The following RNF130 variants were observed in gnomAD, a reference collection of about 807,000 sequenced individuals.
The protein encoded by RNF130 is E3 ubiquitin-protein ligase RNF130.
Under a neutral mutation model 44.6 loss-of-function variants are expected in RNF130, and 21 were observed. The ratio of observed to expected loss-of-function variants is 0.47; its 90% CI spans 0.33 to 0.68. The LOEUF is 0.68. RNF130 is among the 30% of genes least tolerant of loss of function. The probability of loss-of-function intolerance (pLI) is 0.02; values close to 1 mark genes in which losing one functional copy is unlikely to be tolerated. For missense variants in RNF130, 479 were observed against 560.6 expected (o/e 0.85, Z 1.47); for synonymous variants, 214 against 210.4 (o/e 1.02, Z -0.15).
At chr5:180,045,973 G>A (rs371738321) in intron 1 of RNF130, among the ~76,000 whole-genome samples, 37 of 152,352 alleles carry the variant, frequency 2.4e-4, no homozygotes, top group East Asian at 1.4e-3. Flanking sequence ...GCCCCTGGGC[G>A]GTGGATGGGA....
intron 7 of RNF130, among the ~76,000 whole-genome samples, chr5:179,965,955 C>A (rs370873938): frequency 6.6e-6 from 1 of 152,140 alleles, no homozygotes; most frequent in Non-Finnish European, 1.5e-5. Flanking sequence ...AGCCTCAGGG[C>A]GTGACGTGCT....
rs188667686 is a variant in RNF130 at position 180,019,152 on chromosome 5, A to G, written c.443-5841T>C. ...GTAATCCCAGCACTTTGGGAGGCTG[A>G]GGCAGGTGGATCACCAGGCCAGAAG... is the stretch of plus-strand genomic sequence containing the variant. On this transcript the variant is annotated intron_variant, in intron 2 of 8. Transcript: ENST00000521389. 9.8e-4 allele frequency among the ~76,000 whole-genome samples: 148 copies of G among 151,040 alleles called. 1 individual carries two copies. Among genetic ancestry groups the G allele is most frequent in the African/African-American group, 3.5e-3 (144 of 40,960 alleles).
chr5:180,016,852 G>A (rs950936389), intron 2 of RNF130, among the ~76,000 whole-genome samples: 1 of 152,170 alleles, frequency 6.6e-6, no homozygotes, highest in Non-Finnish European at 1.5e-5. Flanking sequence ...AGAGTAAACT[G>A]CAAACACATG....
At chr5:180,053,017 G>T (rs1460149550) in intron 1 of RNF130, among the ~76,000 whole-genome samples, 1 of 152,162 alleles carries the variant, frequency 6.6e-6, no homozygotes, top group South Asian at 2.1e-4. Context: ...TTTATGTCAA[G>T]ATAATGTACG....
intron 7 of RNF130, among the ~76,000 whole-genome samples, chr5:179,926,771 G>A (rs1457188974): frequency 1.3e-5 from 2 of 152,246 alleles, no homozygotes; most frequent in Non-Finnish European, 2.9e-5. Flanking sequence ...CAGAAGCATG[G>A]GTTGAACACT....
intron 1 of RNF130, among the ~76,000 whole-genome samples, chr5:180,063,263 G>T (rs1269622485): frequency 6.6e-6 from 1 of 152,224 alleles, no homozygotes; most frequent in African/African-American, 2.4e-5. Context: ...AATGATAGTT[G>T]CCTGAACTAA....
At chr5:180,044,965 A>C (rs1764523339) in intron 1 of RNF130, among the ~76,000 whole-genome samples, 1 of 152,258 alleles carries the variant, frequency 6.6e-6, no homozygotes, top group Non-Finnish European at 1.5e-5. Flanking sequence ...GACGATGGTC[A>C]AGATTTAGTG....
intron 5 of RNF130, among the ~76,000 whole-genome samples, chr5:179,975,829 C>A (rs1762705294): frequency 6.6e-6 from 1 of 152,178 alleles, no homozygotes; most frequent in Non-Finnish European, 1.5e-5. Flanking sequence ...AAACACAAAC[C>A]ACTTCTATGG....
At position 180,071,440 on chromosome 5, in the gene RNF130, C is replaced by T; in HGVS notation, c.247+16G>A. On this transcript the variant is annotated intron_variant, in intron 1 of 8. Coordinates refer to ENST00000521389, the MANE Select transcript of RNF130 (RefSeq NM_018434.6). ...ATGCAGCGACCACCGCCCGCCGCCC[C>T]CGGGCCGGCACTCACCTCCGTGGAG... The T allele has an allele frequency of 8.1e-7, 1 of 1,234,032 alleles. No homozygotes were observed. The highest frequency in any genetic ancestry group is 1.0e-6 in the Non-Finnish European group (1 of 987,946). The allele number at this position is 1,234,032 out of a possible 1,614,324, so 76.4% of individuals were successfully genotyped here.
At chr5:180,001,887 G>A (rs62404977) in intron 3 of RNF130, among the ~76,000 whole-genome samples, 30,650 of 152,130 alleles carry the variant, frequency 0.2, 3,311 homozygotes, top group Middle Eastern at 0.25. Context: ...AGAGTTCTAC[G>A]GCCTGTAAGG....
At chr5:180,034,201 T>C (rs1171406933) in intron 2 of RNF130, among the ~76,000 whole-genome samples, 1 of 150,314 alleles carries the variant, frequency 6.7e-6, no homozygotes, top group African/African-American at 2.5e-5. Flanking sequence ...GATTTTCAGA[T>C]GTAAAAAAAA....
rs192287643 is a variant in RNF130, at chr5:180,065,588, G to A, written c.247+5868C>T. 9.9e-5 allele frequency among the ~76,000 whole-genome samples: 15 copies of A among 152,092 alleles called. No homozygotes were observed. The East Asian group carries it at 1.2e-3, about 12-fold the overall frequency. ...ATCCTGGCTAACATGGTGAAACCCC[G>A]TCTCTACTAAAACTACAAAAAATTA... On this transcript the variant is annotated intron_variant, in intron 1 of 8. Transcript: ENST00000521389.
exon 8 of RNF130, chr5:179,915,569 T>G (rs1761532546): frequency 6.6e-6 from 1 of 152,316 alleles, no homozygotes; most frequent in African/African-American, 2.4e-5. Context: ...TCTGCTTCTA[T>G]CTCCCTCTTC....
chr5:179,935,128 T>A (rs1314826770), intron 7 of RNF130, among the ~76,000 whole-genome samples: 1 of 152,238 alleles, frequency 6.6e-6, no homozygotes, highest in African/African-American at 2.4e-5. Context: ...TTTGGAAGTA[T>A]ATTGTTTAAT....
chr5:179,991,809 G>C (rs1389254049), intron 3 of RNF130, among the ~76,000 whole-genome samples: 1 of 151,970 alleles, frequency 6.6e-6, no homozygotes, highest in Non-Finnish European at 1.5e-5. Flanking sequence ...CCATAACGTA[G>C]AATCAGTAGG....
intron 7 of RNF130, among the ~76,000 whole-genome samples, chr5:179,928,818 C>CGGGGT (rs1008842186): frequency 3.7e-4 from 56 of 152,004 alleles, no homozygotes; most frequent in African/African-American, 1.3e-3. Context: ...TTAGTAGAGA[C>CGGGGT]GGGGTTTCAA....
At chr5:179,955,693 G>C (rs367704518) in intron 8 of RNF130, 24 bp from the exon 9 acceptor site, 4 of 1,555,384 alleles carry the variant, frequency 2.6e-6, no homozygotes, top group Non-Finnish European at 3.5e-6. Context: ...GGAAAAAAGA[G>C]GTCATAAATT....
chr5:180,046,885 T>A (rs1439404584), intron 1 of RNF130, among the ~76,000 whole-genome samples: 1 of 152,200 alleles, frequency 6.6e-6, no homozygotes, highest in Non-Finnish European at 1.5e-5. Context: ...GAATGTGAGG[T>A]CTAGCATCTC....
intron 3 of RNF130, among the ~76,000 whole-genome samples, chr5:180,009,005 T>C (rs2113076297): frequency 1.3e-5 from 2 of 151,698 alleles, no homozygotes; most frequent in East Asian, 3.9e-4. Flanking sequence ...TGAATGAAAA[T>C]GAAAATACAG....
Sources: allele counts gnomAD v4.1 joint callset (sites outside exome capture counted in the v4.1 genomes callset), GRCh38; gene constraint gnomAD v4.1.1; transcripts MANE v1.5; gene names NCBI Gene and HGNC (gene_info 2026-07-23, HGNC 2026-07-21).